The following SLIT2 variants were observed in gnomAD, a reference collection of about 807,000 sequenced individuals.
SLIT2 encodes the protein slit homolog 2 protein.
Under a neutral mutation model 185.7 loss-of-function variants are expected in SLIT2, and 41 were observed. The observed-to-expected ratio is 0.22, with a 90% CI of 0.17 to 0.29. SLIT2 has a LOEUF of 0.29. Ranked by LOEUF, SLIT2 falls within the 10% of genes least tolerant of loss-of-function variation. The pLI is 1.00. For synonymous variants in SLIT2, 693 were observed against 680.2 expected (o/e 1.02, Z -0.29); for missense variants, 1,571 against 1,909.0 (o/e 0.82, Z 3.30).
At chr4:20,357,364 T>A (rs1722408545) in intron 4 of SLIT2, among the ~76,000 whole-genome samples, 1 of 152,188 alleles carries the variant, frequency 6.6e-6, no homozygotes. Flanking sequence ...GAATGTGATG[T>A]TTGATAGTAT....
At chr4:20,455,644 G>A (rs1712988979) in intron 4 of SLIT2, among the ~76,000 whole-genome samples, 1 of 152,056 alleles carries the variant, frequency 6.6e-6, no homozygotes, top group East Asian at 1.9e-4. Context: ...ACAACCTGGG[G>A]GTTAGAAAAG....
intron 4 of SLIT2, among the ~76,000 whole-genome samples, chr4:20,359,655 A>G (rs1560351076): frequency 6.6e-6 from 1 of 152,028 alleles, no homozygotes; most frequent in African/African-American, 2.4e-5. Context: ...GTGCTCAGAA[A>G]TGTTGAATCA....
rs1364198208 is a variant in SLIT2, at chr4:20,444,146, A to G, written c.396-23606A>G. On this transcript the variant is annotated intron_variant, in intron 4 of 36. Coordinates refer to ENST00000504154, the MANE Select transcript of SLIT2 (RefSeq NM_004787.4). ...AAAGGCTCCTTCCTAGAGGGTTTCC[A>G]TTTTCTGAGTTGAGAAGACAGACTT... 3.9e-5 allele frequency among the ~76,000 whole-genome samples: 6 copies of G among 152,232 alleles called. No individual in the cohort carries two copies. In the East Asian group the frequency reaches 9.7e-4, roughly 25 times the overall value.
At position 20,524,070 on chromosome 4, in the gene SLIT2, A is replaced by G; in HGVS notation, c.1331A>G (p.Tyr444Cys). Residue 444 changes from tyrosine (Y) to cysteine (C), a missense_variant, in exon 14 of 37, where the codon TAT becomes TGT. Transcript: ENST00000504154. ...TGCCATCTCAAGTGGCTAGCGGATTATCTCCATACCAACCCGATTGAGACC... is the reference window on the plus strand; with the variant it reads ...TGCCATCTCAAGTGGCTAGCGGATTGTCTCCATACCAACCCGATTGAGACC... ...CDCHLKWLADYLHTNPIETSG... is the reference protein window; with the variant it reads ...CDCHLKWLADCLHTNPIETSG... The G allele has an allele frequency of 6.2e-7, 1 of 1,614,184 alleles. No homozygotes were observed. The highest frequency in any genetic ancestry group is 8.5e-7 in the Non-Finnish European group (1 of 1,180,020).
intron 2 of SLIT2, among the ~76,000 whole-genome samples, chr4:20,257,090 A>G (rs961910631): frequency 6.6e-6 from 1 of 152,150 alleles, no homozygotes; most frequent in Non-Finnish European, 1.5e-5. Flanking sequence ...GAAATTAACT[A>G]AAATATTTAA....
chr4:20,509,789 C>G (rs1719544462), intron 9 of SLIT2, among the ~76,000 whole-genome samples: 1 of 152,116 alleles, frequency 6.6e-6, no homozygotes, highest in Non-Finnish European at 1.5e-5. Flanking sequence ...TTAGCAGGAC[C>G]ATAGAATAGA....
At chr4:20,606,165 A>T (rs1431699600) in intron 33 of SLIT2, among the ~76,000 whole-genome samples, 1 of 152,160 alleles carries the variant, frequency 6.6e-6, no homozygotes, top group Admixed American at 6.6e-5. Context: ...AACTCTGAAA[A>T]ATTCTCTTTA....
At chr4:20,409,148 G>A (rs1727004520) in intron 4 of SLIT2, among the ~76,000 whole-genome samples, 1 of 152,090 alleles carries the variant, frequency 6.6e-6, no homozygotes, top group Admixed American at 6.6e-5. Context: ...GTGGTTTGCT[G>A]CAGAGATCAT....
chr4:20,341,610 G>A (rs1720967567), intron 4 of SLIT2, among the ~76,000 whole-genome samples: 1 of 152,212 alleles, frequency 6.6e-6, no homozygotes, highest in Non-Finnish European at 1.5e-5. Flanking sequence ...TTTGACAGAA[G>A]TAATTGTATC....
intron 33 of SLIT2, among the ~76,000 whole-genome samples, chr4:20,605,338 T>G (rs1343687099): frequency 1.3e-5 from 2 of 152,212 alleles, no homozygotes; most frequent in Admixed American, 1.3e-4. Context: ...CCACAAACAG[T>G]TGGGGAACTG....
chr4:20,331,338 G>A (rs570932614), intron 4 of SLIT2, among the ~76,000 whole-genome samples: 27 of 152,130 alleles, frequency 1.8e-4, no homozygotes, highest in Admixed American at 1.1e-3. Context: ...AGTGATATTC[G>A]TTTACAAAAG....
intron 9 of SLIT2, among the ~76,000 whole-genome samples, chr4:20,509,984 TAAG>T (rs1560486575): frequency 6.6e-6 from 1 of 152,210 alleles, no homozygotes; most frequent in Non-Finnish European, 1.5e-5. Context: ...TTTTGCCTCA[TAAG>T]AAGCTTCAAA....
intron 30 of SLIT2, 131 bp downstream of exon 30, chr4:20,589,868 G>A (rs1045234624): frequency 4.1e-6 from 2 of 482,066 alleles, no homozygotes; most frequent in African/African-American, 4.1e-5. Context: ...TAGTATCAGT[G>A]ACATTTTTTA....
At chr4:20,279,339 A>G (rs1298278121) in intron 4 of SLIT2, among the ~76,000 whole-genome samples, 1 of 152,196 alleles carries the variant, frequency 6.6e-6, no homozygotes, top group African/African-American at 2.4e-5. Flanking sequence ...TAGCAGATCT[A>G]CCGTATCTCA....
chr4:20,347,551 A>T (rs1721531078), intron 4 of SLIT2, among the ~76,000 whole-genome samples: 2 of 152,238 alleles, frequency 1.3e-5, no homozygotes, highest in South Asian at 4.1e-4. Context: ...CAGAATATAA[A>T]ACACCATCAG....
At chr4:20,303,320 G>A (rs990854515) in intron 4 of SLIT2, among the ~76,000 whole-genome samples, 2 of 152,116 alleles carry the variant, frequency 1.3e-5, no homozygotes, top group South Asian at 4.1e-4. Flanking sequence ...AAGTGCAGTG[G>A]CTCTTTATAT....
At chr4:20,605,738 ATTTTAT>A (rs1728747249) in intron 33 of SLIT2, among the ~76,000 whole-genome samples, 1 of 149,098 alleles carries the variant, frequency 6.7e-6, no homozygotes, top group Non-Finnish European at 1.5e-5. Flanking sequence ...ATTTTATTTT[ATTTTAT>A]TTTATTTTAT....
chr4:20,341,132 G>A (rs1255129993), intron 4 of SLIT2, among the ~76,000 whole-genome samples: 1 of 152,156 alleles, frequency 6.6e-6, no homozygotes, highest in East Asian at 1.9e-4. Flanking sequence ...CAAATGCTGA[G>A]GACCTTGCAC....
chr4:20,320,279 G>A (rs989602115), intron 4 of SLIT2, among the ~76,000 whole-genome samples: 9 of 152,014 alleles, frequency 5.9e-5, no homozygotes, highest in African/African-American at 9.7e-5. Flanking sequence ...TCTTAACAGC[G>A]CACGTCAGTT....
Sources: allele counts gnomAD v4.1 joint callset (sites outside exome capture counted in the v4.1 genomes callset), GRCh38; gene constraint gnomAD v4.1.1; transcripts MANE v1.5; gene names NCBI Gene and HGNC (gene_info 2026-07-23, HGNC 2026-07-21).